Variants in RBFOX1 observed in about 807,000 individuals in gnomAD.
RBFOX1 encodes the protein RNA binding fox-1 homolog 1.
In RBFOX1, 8 loss-of-function variants were observed where a neutral mutation model predicts 57.7. That is an observed-to-expected ratio of 0.14 (90% CI 0.08 to 0.25). The LOEUF (loss-of-function observed/expected upper bound fraction) is 0.25. Among genes scored for constraint, RBFOX1 ranks in the 10% least tolerant of loss-of-function variants. The pLI is 1.00. For synonymous variants in RBFOX1, 326 were observed against 222.4 expected, an observed-to-expected ratio of 1.47 and a Z score of -4.15; for missense variants, 611 against 548.5, an observed-to-expected ratio of 1.11 and a Z score of -1.14.
At chr16:7,155,275 G>A (rs1201145760) in intron 4 of RBFOX1, among the ~76,000 whole-genome samples, 1 of 151,954 alleles carries the variant, frequency 6.6e-6, no homozygotes, top group Non-Finnish European at 1.5e-5. Context: ...TTCCAGAATA[G>A]CAAGTCTTGA....
At position 7,097,241 on chromosome 16, in the gene RBFOX1, G is replaced by T. The variant is rs7204033; in HGVS notation, c.27+45143G>T. 5.7e-3 allele frequency among the ~76,000 whole-genome samples: 868 copies of T among 152,262 alleles called. 8 individuals are homozygous for T. Among genetic ancestry groups the T allele is most frequent in the African/African-American group, 0.02 (824 of 41,556 alleles). ...CTATGAGGTAGGAGGATGCTAGGGA[G>T]GTGTGGTGGTTAGAAGGCCATTGTG... On this transcript the variant is annotated intron_variant, in intron 4 of 15. Transcript: ENST00000550418.
intron 2 of RBFOX1, among the ~76,000 whole-genome samples, chr16:6,555,855 A>G (rs1313308206): frequency 6.6e-6 from 1 of 152,232 alleles, no homozygotes; most frequent in Non-Finnish European, 1.5e-5. Context: ...GCACGTGACT[A>G]GCACAGTGTC....
intron 3 of RBFOX1, among the ~76,000 whole-genome samples, chr16:6,798,385 A>T (rs561804427): frequency 6.6e-6 from 1 of 152,192 alleles, no homozygotes; most frequent in Non-Finnish European, 1.5e-5. Flanking sequence ...ATTCTGAGAC[A>T]GAAGAAGTAG....
At chr16:6,661,737 T>C (rs189293219) in intron 3 of RBFOX1, among the ~76,000 whole-genome samples, 1 of 152,110 alleles carries the variant, frequency 6.6e-6, no homozygotes, top group Admixed American at 6.5e-5. Flanking sequence ...CAGGGCTGGG[T>C]TGCCCCTTCC....
chr16:7,565,532 A>C (rs571007195), intron 5 of RBFOX1, among the ~76,000 whole-genome samples: 1 of 152,180 alleles, frequency 6.6e-6, no homozygotes, highest in African/African-American at 2.4e-5. Flanking sequence ...CTGTAAATTC[A>C]CTCGGCGCCC....
chr16:6,622,960 C>G (rs903595631), intron 2 of RBFOX1, among the ~76,000 whole-genome samples: 3 of 152,202 alleles, frequency 2.0e-5, no homozygotes, highest in Non-Finnish European at 4.4e-5. Context: ...TTACTTTAGA[C>G]TCTTTGACAT....
chr16:6,605,235 A>C (rs1428605912), intron 2 of RBFOX1, among the ~76,000 whole-genome samples: 1 of 150,030 alleles, frequency 6.7e-6, no homozygotes, highest in African/African-American at 2.5e-5. Context: ...CTCTCTCAAA[A>C]TAAAATAATA....
intron 1 of RBFOX1, among the ~76,000 whole-genome samples, chr16:6,024,820 C>T (rs1567281620): frequency 6.6e-6 from 1 of 152,326 alleles, no homozygotes; most frequent in East Asian, 1.9e-4. Flanking sequence ...CCTGAGTGTT[C>T]ATCAGGCACC....
chr16:6,264,452 T>G (rs2152648066), intron 1 of RBFOX1, among the ~76,000 whole-genome samples: 1 of 152,256 alleles, frequency 6.6e-6, no homozygotes, highest in South Asian at 2.1e-4. Context: ...TAAACTGAAG[T>G]TCAAATGCTC....
intron 3 of RBFOX1, among the ~76,000 whole-genome samples, chr16:5,773,007 A>T (rs1037197898): frequency 2.6e-5 from 4 of 152,020 alleles, no homozygotes; most frequent in African/African-American, 9.7e-5. Flanking sequence ...TCTGGCAGGG[A>T]GAAATGGGCA....
chr16:6,435,602 C>A (rs775750159), intron 2 of RBFOX1, among the ~76,000 whole-genome samples: 2 of 152,108 alleles, frequency 1.3e-5, no homozygotes, highest in African/African-American at 4.8e-5. Context: ...CCATGCCTGG[C>A]CAGTATTCGT....
chr16:6,548,508 G>C (rs1052543378), intron 2 of RBFOX1, among the ~76,000 whole-genome samples: 4 of 152,130 alleles, frequency 2.6e-5, no homozygotes, highest in African/African-American at 4.8e-5. Context: ...AATTTCTTCA[G>C]TTCCAAGTGA....
intron 4 of RBFOX1, among the ~76,000 whole-genome samples, chr16:6,004,611 C>G (rs1695230647): frequency 6.6e-6 from 1 of 152,182 alleles, no homozygotes; most frequent in African/African-American, 2.4e-5. Flanking sequence ...TTAACATGCA[C>G]TCTCAAAATA....
chr16:7,444,453 G>C (rs1379412289), intron 4 of RBFOX1, among the ~76,000 whole-genome samples: 2 of 152,148 alleles, frequency 1.3e-5, no homozygotes, highest in Non-Finnish European at 2.9e-5. Flanking sequence ...ACAGCCTAGG[G>C]GGAGAGCAGA....
intron 3 of RBFOX1, among the ~76,000 whole-genome samples, chr16:6,772,388 G>A (rs1381203113): frequency 6.6e-6 from 1 of 152,074 alleles, no homozygotes; most frequent in African/African-American, 2.4e-5. Context: ...CTTTGGAGGT[G>A]GGCACAGGCT....
intron 10 of RBFOX1, among the ~76,000 whole-genome samples, chr16:7,624,156 C>G (rs578134104): frequency 9.9e-5 from 15 of 152,130 alleles, no homozygotes; most frequent in Non-Finnish European, 2.1e-4. Flanking sequence ...TGGCATCAGA[C>G]GCCTACTATG....
In RBFOX1 at chr16:7,576,745, T is replaced by G. The variant is rs184378208; in HGVS notation, c.271-3032T>G. ...AATCATAATCTCTGTAATTCCTAAT[T>G]AGGTTCATTAAACTGAAACATCCAG... is the stretch of plus-strand genomic sequence containing the variant. On this transcript the variant is annotated intron_variant, in intron 5 of 15. Transcript: ENST00000550418. 8.5e-5 allele frequency among the ~76,000 whole-genome samples: 13 copies of G among 152,360 alleles called. No individual in the cohort carries two copies. The East Asian group carries it at 2.5e-3, about 29-fold the overall frequency.
intron 4 of RBFOX1, among the ~76,000 whole-genome samples, chr16:7,478,956 G>A (rs1599483167): frequency 6.6e-6 from 1 of 152,100 alleles, no homozygotes; most frequent in Middle Eastern, 3.4e-3. Context: ...CGTGCGGACC[G>A]AACACGGTAT....
intron 4 of RBFOX1, among the ~76,000 whole-genome samples, chr16:7,307,231 T>C (rs1316384774): frequency 6.6e-6 from 1 of 152,232 alleles, no homozygotes. Flanking sequence ...AGTATATTTT[T>C]CTGGAATGCA....
Sources: gnomAD v4.1 joint callset for allele counts (sites outside exome capture counted in the v4.1 genomes callset) on GRCh38, gnomAD v4.1.1 for gene constraint, MANE v1.5 for transcripts, NCBI Gene and HGNC (gene_info 2026-07-23, HGNC 2026-07-21) for gene names.